The following DOCK10 variants were observed in gnomAD, a reference collection of about 807,000 sequenced individuals.
The protein encoded by DOCK10 is dedicator of cytokinesis 10.
Under a neutral mutation model 280.1 loss-of-function variants are expected in DOCK10, and 145 were observed. That is an observed-to-expected ratio of 0.52 (90% confidence interval 0.45 to 0.59). The LOEUF (loss-of-function observed/expected upper bound fraction) is 0.59. Among genes scored for constraint, DOCK10 ranks in the 20% least tolerant of loss-of-function variants. The probability of loss-of-function intolerance (pLI) is 0.00; values close to 1 mark genes in which losing one functional copy is unlikely to be tolerated. For synonymous variants in DOCK10, 915 were observed against 942.2 expected, an observed-to-expected ratio of 0.97 and a Z score of 0.53; for missense variants, 2,368 against 2,651.7, an observed-to-expected ratio of 0.89 and a Z score of 2.35.
intron 1 of DOCK10, among the ~76,000 whole-genome samples, chr2:224,988,642 C>T (rs1171399802): frequency 6.6e-6 from 1 of 152,150 alleles, no homozygotes; most frequent in Non-Finnish European, 1.5e-5. Context: ...GGAAAATTCC[C>T]TTTGAGAGCT....
intron 3 of DOCK10, among the ~76,000 whole-genome samples, chr2:224,898,962 A>T (rs965789499): frequency 6.6e-5 from 10 of 152,210 alleles, no homozygotes; most frequent in Non-Finnish European, 1.2e-4. Context: ...AGGAACATAC[A>T]GGTCAACAGT....
At chr2:225,008,229 G>C (rs1689331757) in intron 1 of DOCK10, among the ~76,000 whole-genome samples, 1 of 152,078 alleles carries the variant, frequency 6.6e-6, no homozygotes. Context: ...AAATTCCTGG[G>C]CTCAACTGAT....
intron 1 of DOCK10, among the ~76,000 whole-genome samples, chr2:224,935,920 A>C (rs890835153): frequency 3.9e-5 from 6 of 152,218 alleles, no homozygotes; most frequent in African/African-American, 1.4e-4. Context: ...CAAGATTTAT[A>C]CGAGGATGTC....
chr2:224,906,307 C>T (rs1700629967), intron 3 of DOCK10, among the ~76,000 whole-genome samples: 1 of 152,144 alleles, frequency 6.6e-6, no homozygotes. Flanking sequence ...GTTAGTACAG[C>T]TCTTTGTAAT....
Position 224,862,649 on chromosome 2 carries a change from C to T in DOCK10, c.1685+15G>A. On this transcript the variant is annotated intron_variant, in intron 14 of 55. Transcript: ENST00000258390. ...AAATGTATTTCTAGTCTGTTGGCTG[C>T]AACTGTCAACATACCTTACTGCCCA... The T allele has an allele frequency of 3.7e-6, 6 of 1,605,144 alleles. No homozygotes were observed. Among genetic ancestry groups the T allele is most frequent in the African/African-American group, 2.7e-5 (2 of 74,790 alleles).
chr2:224,874,703 T>A lies in DOCK10; in HGVS notation c.980A>T (p.Asp327Val), dbSNP rs1698513680. Reference protein sequence around the residue: ...VTCECTPEETDSSENNLHADF... With the variant: ...VTCECTPEETVSSENNLHADF... ...TGCGTGTAGGTTGTTCTCTGAAGAA[T>A]CTGTTTCCTCTGGCGTGCATTCACA... is the stretch of plus-strand genomic sequence containing the variant. The change falls in exon 9 of 56, where the codon GAT becomes GTT. Residue 327 changes from aspartate to valine, a missense_variant. Asp to Val is a radical substitution (Grantham distance 152). Around this residue, in one of 2 missense-constraint regions of DOCK10, gnomAD observed 1,209 missense variants for 1,250.9 expected, o/e 0.97. Transcript: ENST00000258390. 2 of 1,613,890 alleles carry A rather than the reference T, an allele frequency of 1.2e-6. No homozygotes were observed. Among genetic ancestry groups the A allele is most frequent in the Non-Finnish European group, 1.7e-6 (2 of 1,179,888 alleles).
intron 1 of DOCK10, among the ~76,000 whole-genome samples, chr2:224,974,690 C>T (rs1705298768): frequency 1.3e-5 from 2 of 148,772 alleles, no homozygotes; most frequent in Non-Finnish European, 3.0e-5. Flanking sequence ...CTTTTTCTAG[C>T]CATAAAACTA....
intron 1 of DOCK10, among the ~76,000 whole-genome samples, chr2:224,939,654 T>C (rs1176476941): frequency 1.3e-5 from 2 of 152,220 alleles, no homozygotes; most frequent in African/African-American, 4.8e-5. Flanking sequence ...TGGAGAATTT[T>C]AGATTAATTT....
At chr2:224,830,408 TATAAA>T in intron 27 of DOCK10, 128 bp downstream of exon 27, 1 of 457,268 alleles carries the variant, frequency 2.2e-6, no homozygotes, top group Admixed American at 4.1e-5. Flanking sequence ...TTCTTCTACT[TATAAA>T]GTAATTATTG....
intron 19 of DOCK10, among the ~76,000 whole-genome samples, chr2:224,846,583 G>A (rs899951746): frequency 2.1e-5 from 3 of 145,050 alleles, no homozygotes; most frequent in Non-Finnish European, 3.0e-5. Context: ...TGCAACCTCC[G>A]CTTCCTGGGT....
Position 224,852,385 on chromosome 2 carries a change from G to C in DOCK10, c.2134C>G (p.Pro712Ala), listed in dbSNP as rs866941695. 1.3e-6 allele frequency: 2 copies of C among 1,571,816 alleles called. No individual in the cohort carries two copies. Among genetic ancestry groups the C allele is most frequent in the Non-Finnish European group, 1.7e-6 (2 of 1,157,386 alleles). Residue 712 changes from proline (P) to alanine (A), a missense_variant, in exon 18 of 56, where the codon CCC (proline) becomes GCC (alanine). Physicochemically the swap from Pro to Ala is conservative, Grantham distance 27. Coordinates refer to ENST00000258390, the MANE Select transcript of DOCK10 (RefSeq NM_014689.3). ...FKNSDEESAK[P>A]LKCIYGKPGG... The stretch of plus-strand genomic sequence containing the variant: ...TTGCTGACTTGGCTCACCTTCAGGG[G>C]CTTGGCACTTTCTTCATCTGAATTT...
intron 28 of DOCK10, among the ~76,000 whole-genome samples, chr2:224,821,811 G>T (rs938254625): frequency 6.6e-6 from 1 of 151,794 alleles, no homozygotes; most frequent in African/African-American, 2.4e-5. Context: ...ATTCCCATAG[G>T]TCTTAAAATG....
At chr2:224,813,245 G>T (rs1000289853) in intron 31 of DOCK10, among the ~76,000 whole-genome samples, 3 of 152,084 alleles carry the variant, frequency 2.0e-5, no homozygotes, top group Non-Finnish European at 2.9e-5. Flanking sequence ...GTCCAGGCTG[G>T]AGTGCAGTGG....
intron 30 of DOCK10, among the ~76,000 whole-genome samples, chr2:224,814,777 C>A (rs1335128481): frequency 2.6e-5 from 4 of 152,186 alleles, no homozygotes; most frequent in Non-Finnish European, 5.9e-5. Context: ...CTGCCTTGAC[C>A]TCCCAAAGTG....
chr2:224,812,053 T>C (rs1201493864), intron 31 of DOCK10, among the ~76,000 whole-genome samples: 1 of 152,240 alleles, frequency 6.6e-6, no homozygotes, highest in South Asian at 2.1e-4. Flanking sequence ...GGGGATGGCA[T>C]TGAATCTATA....
In DOCK10 at chr2:224,796,299, C is replaced by A. The variant is rs1692571407; in HGVS notation, c.4938+17G>T. The stretch of plus-strand genomic sequence containing the variant: ...TTAAAAAAATTCTGCAGTAAAAGCC[C>A]ACAAAGCATTTCTTACTTTCATTTG... On this transcript the variant is annotated intron_variant, in intron 44 of 55. Transcript: ENST00000258390. The A allele has an allele frequency of 6.8e-7, 1 of 1,477,156 alleles. No individual in the cohort carries two copies. The highest frequency in any genetic ancestry group is 1.2e-5 in the South Asian group (1 of 81,938). 91.5% of individuals were successfully genotyped at this position (1,477,156 alleles called of 1,614,324 possible). A position where few individuals can be genotyped will look rare whatever the true frequency, so the allele number is the denominator to read the frequency against.
At chr2:224,861,136 G>A (rs527748730) in intron 14 of DOCK10, 9 of 152,178 alleles carry the variant, frequency 5.9e-5, no homozygotes, top group African/African-American at 1.4e-4. Flanking sequence ...AAGCTTATGA[G>A]AAATAAAAAC....
intron 11 of DOCK10, among the ~76,000 whole-genome samples, chr2:224,868,625 G>T (rs11903344): frequency 0.18 from 27,613 of 151,904 alleles, 4,229 homozygotes; most frequent in African/African-American, 0.43. Context: ...TAGTTTATAC[G>T]GGGGGGACAA....
At chr2:224,793,877 A>G (rs1476705625) in intron 45 of DOCK10, among the ~76,000 whole-genome samples, 2 of 152,122 alleles carry the variant, frequency 1.3e-5, no homozygotes, top group Non-Finnish European at 2.9e-5. Context: ...GCCCCTCTGA[A>G]TTTGTGTTGC....
Sources: gnomAD v4.1 joint callset for allele counts (sites outside exome capture counted in the v4.1 genomes callset) on GRCh38, gnomAD v4.1.1 for gene constraint, gnomAD v4.1.1 regional missense constraint, MANE v1.5 for transcripts, NCBI Gene and HGNC (gene_info 2026-07-23, HGNC 2026-07-21) for gene names.